The following FHIT variants were observed in gnomAD, a reference collection of about 807,000 sequenced individuals.
FHIT encodes the protein fragile histidine triad diadenosine triphosphatase, also known as bis(5'-adenosyl)-triphosphatase.
Under a neutral mutation model 17.9 loss-of-function variants are expected in FHIT, and 19 were observed. That is an observed-to-expected ratio of 1.06 (90% confidence interval 0.74 to 1.56). FHIT has a LOEUF of 1.56. Ranked by LOEUF, FHIT falls within the 40% of genes most tolerant of loss-of-function variation. FHIT has a pLI of 0.00. For missense variants in FHIT, 248 were observed against 189.2 expected (o/e 1.31, Z -1.82); for synonymous variants, 81 against 69.7 (o/e 1.16, Z -0.81).
At chr3:60,343,676 G>C (rs1710634679) in intron 5 of FHIT, among the ~76,000 whole-genome samples, 1 of 152,038 alleles carries the variant, frequency 6.6e-6, no homozygotes, top group Non-Finnish European at 1.5e-5. Context: ...TTTTAAATTG[G>C]TAAGACTAAT....
intron 5 of FHIT, among the ~76,000 whole-genome samples, chr3:60,418,376 GTATATATATATATATATATATA>G (rs869203310): frequency 5.0e-3 from 75 of 14,936 alleles, no homozygotes; most frequent in African/African-American, 0.015. Flanking sequence ...CTGAATGTGT[GTATATATATATATATATATATA>G]TATATATATA....
At chr3:60,413,840 C>T (rs762398555) in intron 5 of FHIT, among the ~76,000 whole-genome samples, 1 of 152,212 alleles carries the variant, frequency 6.6e-6, no homozygotes, top group Non-Finnish European at 1.5e-5. Context: ...ATTCACTCAT[C>T]CATTTGTTTA....
At chr3:59,833,488 A>G (rs1448559813) in intron 8 of FHIT, among the ~76,000 whole-genome samples, 1 of 152,208 alleles carries the variant, frequency 6.6e-6, no homozygotes, top group Non-Finnish European at 1.5e-5. Context: ...GGATTCCTCT[A>G]CAGGCTACAG....
chr3:60,855,785 C>T (rs1430609997), intron 3 of FHIT, among the ~76,000 whole-genome samples: 2 of 152,070 alleles, frequency 1.3e-5, no homozygotes, highest in African/African-American at 2.4e-5. Flanking sequence ...GTGTACTTTC[C>T]ACAGCCTAGA....
chr3:59,872,512 C>T (rs1229864623), intron 8 of FHIT, among the ~76,000 whole-genome samples: 1 of 152,074 alleles, frequency 6.6e-6, no homozygotes, highest in Non-Finnish European at 1.5e-5. Flanking sequence ...TTTGAAATTC[C>T]AGAGGGAATG....
intron 5 of FHIT, among the ~76,000 whole-genome samples, chr3:60,121,252 T>C (rs1027670613): frequency 6.6e-6 from 1 of 152,160 alleles, no homozygotes; most frequent in Non-Finnish European, 1.5e-5. Context: ...ATATTAATGC[T>C]ACTAAAGTAA....
At chr3:59,948,687 A>G (rs1706959081) in intron 7 of FHIT, among the ~76,000 whole-genome samples, 1 of 152,120 alleles carries the variant, frequency 6.6e-6, no homozygotes, top group Admixed American at 6.6e-5. Flanking sequence ...GTGATAACTC[A>G]TCATGGCCTT....
intron 5 of FHIT, among the ~76,000 whole-genome samples, chr3:60,481,702 T>C (rs898391555): frequency 1.3e-5 from 2 of 152,130 alleles, no homozygotes; most frequent in Non-Finnish European, 2.9e-5. Flanking sequence ...GAGAAACAAG[T>C]ACCAGCTGCT....
intron 5 of FHIT, among the ~76,000 whole-genome samples, chr3:60,321,482 CA>C (rs141400010): frequency 0.17 from 26,253 of 151,434 alleles, 2,376 homozygotes; most frequent in African/African-American, 0.22. Flanking sequence ...CTCAAAAAAC[CA>C]AAAAAAATTC....
rs564969221 is a variant in FHIT at position 61,068,669 on chromosome 3, G to A, written c.-163-26570C>T. 1.3e-4 allele frequency among the ~76,000 whole-genome samples: 19 copies of A among 149,736 alleles called. No individual in the cohort carries two copies. The South Asian group carries it at 2.6e-3, about 20-fold the overall frequency. ...GTGTAGATATCTTTGGGGGGAGGGC[G>A]CATGATTCTACCTACCACACCAGTC... On this transcript the variant is annotated intron_variant, in intron 2 of 9. Transcript: ENST00000492590.
chr3:60,238,060 C>T lies in FHIT; in HGVS notation c.104-223908G>A, dbSNP rs193198108. Among the ~76,000 whole-genome samples, 12 of 150,370 alleles carry T rather than the reference C, an allele frequency of 8.0e-5. No homozygotes were observed. The East Asian group carries it at 2.4e-3, about 30-fold the overall frequency. On this transcript the variant is annotated intron_variant, in intron 5 of 9. Transcript: ENST00000492590. ...ACTTGGGAGGCTGAGGCAGGAAAAT[C>T]GCTTGAGCCTTGGAGGCGGAGGTGG...
At chr3:60,677,607 T>C (rs1467414297) in intron 4 of FHIT, among the ~76,000 whole-genome samples, 2 of 144,900 alleles carry the variant, frequency 1.4e-5, no homozygotes, top group Admixed American at 7.2e-5. Context: ...TGTGTGTGTA[T>C]ATATGTGTAT....
intron 4 of FHIT, among the ~76,000 whole-genome samples, chr3:60,575,286 T>A (rs980902957): frequency 5.9e-5 from 9 of 152,196 alleles, no homozygotes; most frequent in African/African-American, 2.2e-4. Flanking sequence ...GGAAGGGATG[T>A]CTAGTTCCAA....
intron 1 of FHIT, among the ~76,000 whole-genome samples, chr3:61,242,517 G>T (rs2106927064): frequency 6.6e-6 from 1 of 152,176 alleles, no homozygotes; most frequent in Non-Finnish European, 1.5e-5. Context: ...AAATCCCCTT[G>T]TCCTTTTGTA....
chr3:59,828,932 G>A (rs1701070688), intron 8 of FHIT, among the ~76,000 whole-genome samples: 1 of 149,208 alleles, frequency 6.7e-6, no homozygotes, highest in Non-Finnish European at 1.5e-5. Context: ...AACTCATTTT[G>A]TATTATGTAA....
chr3:61,038,369 G>C (rs1333332521), intron 3 of FHIT, among the ~76,000 whole-genome samples: 1 of 152,186 alleles, frequency 6.6e-6, no homozygotes, highest in African/African-American at 2.4e-5. Context: ...ACCAGAATGT[G>C]TGACTTCCTA....
intron 8 of FHIT, among the ~76,000 whole-genome samples, chr3:59,846,993 G>A (rs570477946): frequency 5.9e-4 from 90 of 152,178 alleles, no homozygotes; most frequent in African/African-American, 2.1e-3. Context: ...CTCTTCTGCT[G>A]CTTTCAAAAT....
chr3:60,507,093 A>C (rs2107535139), intron 5 of FHIT, among the ~76,000 whole-genome samples: 1 of 152,312 alleles, frequency 6.6e-6, no homozygotes, highest in South Asian at 2.1e-4. Context: ...AAATGCTATC[A>C]AGGAAAGAAA....
intron 5 of FHIT, among the ~76,000 whole-genome samples, chr3:60,087,082 C>T (rs978759215): frequency 2.6e-5 from 4 of 152,202 alleles, no homozygotes; most frequent in African/African-American, 9.7e-5. Flanking sequence ...TAACGTCATG[C>T]AAAAACTGAC....
Sources: allele counts gnomAD v4.1 joint callset (sites outside exome capture counted in the v4.1 genomes callset), GRCh38; gene constraint gnomAD v4.1.1; transcripts MANE v1.5; gene names NCBI Gene and HGNC (gene_info 2026-07-23, HGNC 2026-07-21).